Variants in MDGA2 observed in about 807,000 individuals in gnomAD.
The protein encoded by MDGA2 is MAM domain containing glycosylphosphatidylinositol anchor 2, also known as MAM domain-containing glycosylphosphatidylinositol anchor protein 2.
A neutral mutation model predicts 117.8 loss-of-function variants in MDGA2; 40 were observed. The observed-to-expected ratio is 0.34, with a 90% CI of 0.26 to 0.44. The LOEUF (loss-of-function observed/expected upper bound fraction) is 0.44. Among genes scored for constraint, MDGA2 ranks in the 20% least tolerant of loss-of-function variants. MDGA2 has a pLI of 1.00. For missense variants in MDGA2, 1,123 were observed against 1,250.6 expected, an observed-to-expected ratio of 0.90 and a Z score of 1.54; for synonymous variants, 452 against 439.0, an observed-to-expected ratio of 1.03 and a Z score of -0.37.
At chr14:47,120,572 A>C (rs1333914499) in intron 5 of MDGA2, among the ~76,000 whole-genome samples, 1 of 152,212 alleles carries the variant, frequency 6.6e-6, no homozygotes, top group Non-Finnish European at 1.5e-5. Flanking sequence ...CAAGAAAAAA[A>C]TAAATATAAA....
rs186558040 is a variant in MDGA2 at position 47,369,315 on chromosome 14, C to T, written c.281-67765G>A. On this transcript the variant is annotated intron_variant, in intron 1 of 16. Transcript: ENST00000399232. ...TAAACAATTTTTAGAACTTTAGGAA[C>T]AAAAAATAATACAGAGATGAAGATC... Among the ~76,000 whole-genome samples, 3 of 151,926 alleles carry T rather than the reference C, an allele frequency of 2.0e-5. No individual in the cohort carries two copies. In the East Asian group the frequency reaches 5.8e-4, roughly 29 times the overall value.
At chr14:47,501,546 C>G (rs1424434858) in intron 1 of MDGA2, among the ~76,000 whole-genome samples, 1 of 152,120 alleles carries the variant, frequency 6.6e-6, no homozygotes, top group Non-Finnish European at 1.5e-5. Context: ...CTCAATACCT[C>G]AGAATGTGGG....
chr14:47,329,653 T>C (rs1890239137), intron 1 of MDGA2, among the ~76,000 whole-genome samples: 1 of 152,048 alleles, frequency 6.6e-6, no homozygotes, highest in Admixed American at 6.6e-5. Flanking sequence ...TTTTAAACTA[T>C]ATATCATGAA....
At chr14:47,382,119 A>C (rs1004678245) in intron 1 of MDGA2, among the ~76,000 whole-genome samples, 3 of 152,224 alleles carry the variant, frequency 2.0e-5, no homozygotes, top group African/African-American at 7.2e-5. Context: ...TTCCCTATTT[A>C]ATAAATGATG....
intron 6 of MDGA2, among the ~76,000 whole-genome samples, chr14:47,086,114 G>T (rs200104957): frequency 7.7e-4 from 93 of 120,276 alleles, no homozygotes; most frequent in South Asian, 1.2e-3. Flanking sequence ...TTTGTTTTTT[G>T]TTTTTTGTTT....
At chr14:47,500,240 T>C (rs1216499301) in intron 1 of MDGA2, among the ~76,000 whole-genome samples, 2 of 152,140 alleles carry the variant, frequency 1.3e-5, no homozygotes, top group Non-Finnish European at 1.5e-5. Flanking sequence ...AAATTAATCC[T>C]GTGACTGAAC....
chr14:47,406,530 T>G (rs1356184615), intron 1 of MDGA2, among the ~76,000 whole-genome samples: 1 of 152,030 alleles, frequency 6.6e-6, no homozygotes, highest in Non-Finnish European at 1.5e-5. Flanking sequence ...AGAGAAAACA[T>G]GACATATCCT....
chr14:46,960,374 A>C (rs1370875434), intron 8 of MDGA2: 1 of 152,124 alleles, frequency 6.6e-6, no homozygotes, highest in Admixed American at 6.5e-5. Flanking sequence ...TGAAGTTATC[A>C]TTTAGATCTA....
At chr14:47,099,783 G>C (rs1288814151) in intron 5 of MDGA2, among the ~76,000 whole-genome samples, 1 of 151,960 alleles carries the variant, frequency 6.6e-6, no homozygotes, top group East Asian at 1.9e-4. Context: ...TGTTGAAATG[G>C]GGGAAAATAC....
chr14:46,928,470 TAG>T (rs1261223889), intron 9 of MDGA2, among the ~76,000 whole-genome samples: 1 of 152,156 alleles, frequency 6.6e-6, no homozygotes, highest in Admixed American at 6.5e-5. Flanking sequence ...TTGTAACTAT[TAG>T]AGTTTATTCT....
At chr14:46,871,819 T>A (rs764614509) in intron 14 of MDGA2, 30 of 298,140 alleles carry the variant, frequency 1.0e-4, no homozygotes, top group Non-Finnish European at 2.9e-5. Context: ...CCTGCCCAGG[T>A]CTCCTGACTT....
intron 1 of MDGA2, among the ~76,000 whole-genome samples, chr14:47,570,714 T>C: frequency 6.6e-6 from 1 of 152,178 alleles, no homozygotes; most frequent in Non-Finnish European, 1.5e-5. Context: ...TGCAGAAAGC[T>C]GAAACTGGAT....
intron 1 of MDGA2, among the ~76,000 whole-genome samples, chr14:47,654,071 TAAGGCC>T (rs1004078718): frequency 6.6e-6 from 1 of 152,256 alleles, no homozygotes; most frequent in Non-Finnish European, 1.5e-5. Context: ...ACCATCAATT[TAAGGCC>T]AAAGATCTTC....
intron 2 of MDGA2, among the ~76,000 whole-genome samples, chr14:47,273,347 C>A (rs1375578065): frequency 6.6e-6 from 1 of 152,026 alleles, no homozygotes; most frequent in Admixed American, 6.6e-5. Flanking sequence ...ATTTGAATAA[C>A]AATATTTTAG....
At chr14:47,359,748 C>CAAAAAAAAAAAAAAAAAAAAAA (rs71448198) in intron 1 of MDGA2, among the ~76,000 whole-genome samples, 4 of 110,730 alleles carry the variant, frequency 3.6e-5, no homozygotes, top group Non-Finnish European at 3.6e-5. Context: ...AAGACTGTCT[C>CAAAAAAAAAAAAAAAAAAAAAA]AAAAAAAAAA....
intron 2 of MDGA2, among the ~76,000 whole-genome samples, chr14:47,254,003 C>G (rs913016351): frequency 6.6e-6 from 1 of 152,226 alleles, no homozygotes. Flanking sequence ...TGTACATTCG[C>G]CTCTTTTAGC....
chr14:46,880,579 G>C (rs1882406044), intron 11 of MDGA2, among the ~76,000 whole-genome samples: 1 of 151,622 alleles, frequency 6.6e-6, no homozygotes, highest in Non-Finnish European at 1.5e-5. Flanking sequence ...GAGGCAGGTG[G>C]ATCACCTGAG....
intron 1 of MDGA2, among the ~76,000 whole-genome samples, chr14:47,610,368 C>G (rs1896825012): frequency 6.6e-6 from 1 of 152,032 alleles, no homozygotes; most frequent in Non-Finnish European, 1.5e-5. Flanking sequence ...AAGAGGAAGT[C>G]AAACTGTCAC....
intron 1 of MDGA2, among the ~76,000 whole-genome samples, chr14:47,498,395 A>G (rs1285663433): frequency 1.3e-5 from 2 of 152,146 alleles, no homozygotes; most frequent in African/African-American, 2.4e-5. Context: ...CAAAGGATAA[A>G]TATTTTTTTT....
Sources: allele counts gnomAD v4.1 joint callset (sites outside exome capture counted in the v4.1 genomes callset), GRCh38; gene constraint gnomAD v4.1.1; transcripts MANE v1.5; gene names NCBI Gene and HGNC (gene_info 2026-07-23, HGNC 2026-07-21).